OTUB1: variants seen among roughly 807,000 people sequenced by gnomAD.
OTUB1 encodes the protein ubiquitin thioesterase OTUB1.
Under a neutral mutation model 35.8 loss-of-function variants are expected in OTUB1, and 10 were observed. That is an observed-to-expected ratio of 0.28 (90% CI 0.17 to 0.47). The LOEUF (loss-of-function observed/expected upper bound fraction) is 0.47. Among genes scored for constraint, OTUB1 ranks in the 20% least tolerant of loss-of-function variants. The pLI is 0.99. For synonymous variants in OTUB1, 158 were observed against 143.8 expected (o/e 1.10, Z -0.71); for missense variants, 264 against 351.6 (o/e 0.75, Z 1.99).
In OTUB1 at chr11:63,995,475, C is replaced by T. The variant is rs559190089; in HGVS notation, c.220-1055C>T. On this transcript the variant is annotated intron_variant, in intron 3 of 6. Coordinates refer to ENST00000538426, the MANE Select transcript of OTUB1 (RefSeq NM_017670.3). ...CCTCCCAAAGTGCTGCGATTACAAG[C>T]GTGAGCCATCGCGCCCAGCCACTTA... Among the ~76,000 whole-genome samples the T allele has an allele frequency of 2.0e-5, 3 of 152,208 alleles. No individual in the cohort carries two copies. The East Asian group carries it at 5.8e-4, about 29-fold the overall frequency.
At position 63,986,453 on chromosome 11, in the gene OTUB1, A is replaced by G; in HGVS notation, c.-4A>G. On this transcript the variant is annotated 5_prime_UTR_variant, in exon 1 of 7. Coordinates refer to ENST00000538426, the MANE Select transcript of OTUB1 (RefSeq NM_017670.3). Reference sequence around the variant, plus strand: ...AGCGGTCGGTAGTGCGGCGCTGTTTAAAGATGGCGGCGGAGGAACCTCAGC... The same window carrying G: ...AGCGGTCGGTAGTGCGGCGCTGTTTGAAGATGGCGGCGGAGGAACCTCAGC... The G allele has an allele frequency of 6.4e-7, 1 of 1,554,244 alleles. No individual in the cohort carries two copies.
rs887385950 is a variant in OTUB1, at chr11:63,988,331, T to C, written c.59-6T>C. The C allele has an allele frequency of 5.9e-5, 91 of 1,552,310 alleles. No individual in the cohort carries two copies. The highest frequency in any genetic ancestry group is 2.0e-4 in the Admixed American group (10 of 51,024). Reference sequence around the variant, plus strand: ...CTGTAATCTTTGGCTTTTTTCCTTTTCCCAGGTGTTAACTGTCTGGCCTAT... The same window carrying C: ...CTGTAATCTTTGGCTTTTTTCCTTTCCCCAGGTGTTAACTGTCTGGCCTAT... On this transcript the variant is annotated splice_region_variant and splice_polypyrimidine_tract_variant and intron_variant, in intron 1 of 6. Coordinates refer to ENST00000538426, the MANE Select transcript of OTUB1 (RefSeq NM_017670.3).
chr11:63,986,566 G>T, intron 1 of OTUB1, 52 bp downstream of exon 1: 1 of 1,481,522 alleles, frequency 6.7e-7, no homozygotes, highest in South Asian at 1.2e-5. Context: ...GCGATGCCGG[G>T]CCAGCTGCTC....
At chr11:63,995,881 C>T (rs538600228) in intron 3 of OTUB1, among the ~76,000 whole-genome samples, 1 of 151,992 alleles carries the variant, frequency 6.6e-6, no homozygotes, top group South Asian at 2.1e-4. Context: ...TGGGTGGGCA[C>T]CTGTAATCCC....
rs576527183 is a variant in OTUB1 at position 63,995,619 on chromosome 11, C to T, written c.220-911C>T. On this transcript the variant is annotated intron_variant, in intron 3 of 6. Coordinates refer to ENST00000538426, the MANE Select transcript of OTUB1 (RefSeq NM_017670.3). ...TTGGGATTATAGGTGTGAGCCATGG[C>T]GCCCAGCTTGGAATGATGTGCTTGA... Among the ~76,000 whole-genome samples the T allele has an allele frequency of 1.3e-4, 19 of 151,506 alleles. No individual in the cohort carries two copies. In the East Asian group the frequency reaches 2.0e-3, roughly 16 times the overall value.
intron 3 of OTUB1, 100 bp from the exon 4 acceptor site, chr11:63,996,430 G>T: frequency 1.5e-6 from 2 of 1,349,060 alleles, no homozygotes; most frequent in Non-Finnish European, 2.1e-6. Flanking sequence ...TGGGAGCTCA[G>T]TTGCCACCTT....
At chr11:63,986,879 GC>G (rs1942625881) in intron 1 of OTUB1, 8 of 227,414 alleles carry the variant, frequency 3.5e-5, no homozygotes, top group Admixed American at 2.9e-4. Flanking sequence ...CCAGGGCCGA[GC>G]CCCCCGGCCT....
intron 1 of OTUB1, among the ~76,000 whole-genome samples, chr11:63,987,314 A>G (rs919687847): frequency 9.9e-5 from 15 of 152,174 alleles, no homozygotes; most frequent in African/African-American, 3.6e-4. Flanking sequence ...CCTCATTCTC[A>G]CCGAACACTT....
In OTUB1 at chr11:63,996,888, G is replaced by A; in HGVS notation, c.370G>A (p.Asp124Asn). The A allele has an allele frequency of 6.2e-7, 1 of 1,614,158 alleles. No individual in the cohort carries two copies. The highest frequency in any genetic ancestry group is 8.5e-7 in the Non-Finnish European group (1 of 1,179,984). The change falls in exon 5 of 7, where the codon GAC becomes AAC. Residue 124 changes from aspartate to asparagine, a missense_variant. By Grantham distance (23) the Asp-to-Asn change is conservative. Transcript: ENST00000538426. ...GGCTGTGTCTGCCAAGAGCAAGGAA[G>A]ACCTGGTGTCCCAGGGCTTCACTGA... ...FKAVSAKSKE[D>N]LVSQGFTEFT...
At position 63,988,355 on chromosome 11, in the gene OTUB1, A is replaced by C. The variant is rs146537845; in HGVS notation, c.77A>C (p.Tyr26Ser). 9 of 1,553,968 alleles carry C rather than the reference A, an allele frequency of 5.8e-6. No homozygotes were observed. The African/African-American group carries it at 1.1e-4, about 19-fold the overall frequency. Residue 26 changes from tyrosine to serine, a missense_variant, in exon 2 of 7, where the codon TAT becomes TCT. Coordinates refer to ENST00000538426, the MANE Select transcript of OTUB1 (RefSeq NM_017670.3). ...SDSEGVNCLA[Y>S]DEAIMAQQDR... ...TTCCCAGGTGTTAACTGTCTGGCCTATGATGAAGCCATCATGGCTCAGCAG... is the reference window on the plus strand; with the variant it reads ...TTCCCAGGTGTTAACTGTCTGGCCTCTGATGAAGCCATCATGGCTCAGCAG...
intron 3 of OTUB1, among the ~76,000 whole-genome samples, chr11:63,994,208 C>T (rs571319321): frequency 6.6e-6 from 1 of 152,182 alleles, no homozygotes; most frequent in African/African-American, 2.4e-5. Flanking sequence ...GCCCTCATGC[C>T]CGTGGTCACA....
intron 3 of OTUB1, among the ~76,000 whole-genome samples, chr11:63,992,928 C>A (rs894801043): frequency 2.6e-5 from 4 of 152,176 alleles, no homozygotes; most frequent in African/African-American, 9.7e-5. Flanking sequence ...TCAAATGATC[C>A]ACCCACTTTG....
chr11:63,988,222 T>C (rs1942638536), intron 1 of OTUB1, 115 bp from the exon 2 acceptor site: 2 of 774,452 alleles, frequency 2.6e-6, no homozygotes, highest in South Asian at 1.7e-5. Context: ...ACATACCTGC[T>C]TCCAGATTCT....
chr11:63,988,474 C>A, intron 2 of OTUB1, 76 bp downstream of exon 2: 1 of 1,427,150 alleles, frequency 7.0e-7, no homozygotes, highest in Non-Finnish European at 9.7e-7. Flanking sequence ...GGCATGAGGC[C>A]TATTGTCTGT....
At chr11:63,997,271 G>T (rs373817757) in intron 6 of OTUB1, 27 bp downstream of exon 6, 2 of 1,611,350 alleles carry the variant, frequency 1.2e-6, no homozygotes, top group East Asian at 2.2e-5. Context: ...CTTTACTCTC[G>T]GCCGGGGGAG....
rs771631388 is a variant in OTUB1, at chr11:63,996,954, G to T, written c.423+13G>T. The stretch of plus-strand genomic sequence containing the variant: ...TTTCCACAACACGGTGAGCCCTGGT[G>T]CCTGTCTTGGGCTGGGCCATGGGGG... On this transcript the variant is annotated intron_variant, in intron 5 of 6. Transcript: ENST00000538426. 6.2e-7 allele frequency: 1 copy of T among 1,613,892 alleles called. No homozygotes were observed. Among genetic ancestry groups the T allele is most frequent in the Admixed American group, 1.7e-5 (1 of 59,974 alleles).
chr11:63,993,987 T>C (rs2134309318), intron 3 of OTUB1, among the ~76,000 whole-genome samples: 1 of 152,042 alleles, frequency 6.6e-6, no homozygotes, highest in Non-Finnish European at 1.5e-5. Flanking sequence ...ATTAAATGGG[T>C]GTGGCGGTGT....
intron 1 of OTUB1, among the ~76,000 whole-genome samples, chr11:63,987,355 G>GAAGGGACTTGTTC (rs1942630772): frequency 6.6e-6 from 1 of 152,204 alleles, no homozygotes; most frequent in Admixed American, 6.5e-5. Flanking sequence ...AACGGCCCCG[G>GAAGGGACTTGTTC]AAGGGACTTG....
rs1435225904 is a variant in OTUB1 at position 63,988,411 on chromosome 11, A to C, written c.120+13A>C. ...AATTCAGCAAGAGGTGAGGGGCTGCAGTGGGCGAGGGAGGCAGTGGCCAGC... is the reference window on the plus strand; with the variant it reads ...AATTCAGCAAGAGGTGAGGGGCTGCCGTGGGCGAGGGAGGCAGTGGCCAGC... On this transcript the variant is annotated intron_variant, in intron 2 of 6. Transcript: ENST00000538426. The C allele has an allele frequency of 4.4e-5, 69 of 1,552,812 alleles. No homozygotes were observed. The highest frequency in any genetic ancestry group is 5.8e-5 in the Non-Finnish European group (66 of 1,147,382).
Sources: gnomAD v4.1 joint callset for allele counts (sites outside exome capture counted in the v4.1 genomes callset) on GRCh38, gnomAD v4.1.1 for gene constraint, MANE v1.5 for transcripts, NCBI Gene and HGNC (gene_info 2026-07-23, HGNC 2026-07-21) for gene names.